The following ZCWPW2 variants were observed in gnomAD, a reference collection of about 807,000 sequenced individuals.
ZCWPW2 encodes zinc finger CW-type and PWWP domain containing 2.
A neutral mutation model predicts 46.6 loss-of-function variants in ZCWPW2; 45 were observed. The observed-to-expected ratio is 0.96, with a 90% CI of 0.76 to 1.24. The LOEUF is 1.24. ZCWPW2 is among the 50% of genes most tolerant of loss of function. ZCWPW2 has a pLI of 0.00. For missense variants in ZCWPW2, 429 were observed against 403.9 expected (o/e 1.06, Z -0.53); for synonymous variants, 152 against 137.1 (o/e 1.11, Z -0.76).
chr3:28,417,600 G>A (rs1420341223), intron 3 of ZCWPW2, among the ~76,000 whole-genome samples: 21 of 146,296 alleles, frequency 1.4e-4, no homozygotes, highest in Non-Finnish European at 2.4e-4. Flanking sequence ...GATGAACATC[G>A]ATGCAGAAAT....
At chr3:28,508,491 C>T (rs1444097603) in intron 6 of ZCWPW2, among the ~76,000 whole-genome samples, 2 of 151,986 alleles carry the variant, frequency 1.3e-5, no homozygotes, top group Non-Finnish European at 1.5e-5. Context: ...TCCAGCTCCT[C>T]ACTTTCAACC....
chr3:28,401,632 A>G (rs1222529088), intron 2 of ZCWPW2, among the ~76,000 whole-genome samples: 1 of 152,172 alleles, frequency 6.6e-6, no homozygotes, highest in East Asian at 1.9e-4. Context: ...TGCAGAATAT[A>G]CATTCTTTTC....
intron 8 of ZCWPW2, among the ~76,000 whole-genome samples, chr3:28,516,123 C>G (rs1435563223): frequency 6.6e-6 from 1 of 151,812 alleles, no homozygotes; most frequent in East Asian, 1.9e-4. Flanking sequence ...ACCTGTAATC[C>G]CAGCTACTCT....
At chr3:28,499,822 G>A (rs1423452245) in intron 6 of ZCWPW2, among the ~76,000 whole-genome samples, 1 of 151,862 alleles carries the variant, frequency 6.6e-6, no homozygotes, top group African/African-American at 2.4e-5. Flanking sequence ...TTTTCTGATT[G>A]ATTTGTAGGC....
chr3:28,454,316 C>T (rs1698345258), intron 4 of ZCWPW2, among the ~76,000 whole-genome samples: 1 of 152,032 alleles, frequency 6.6e-6, no homozygotes, highest in Non-Finnish European at 1.5e-5. Context: ...GATGTCCTAG[C>T]ATTTTTAAAA....
intron 6 of ZCWPW2, among the ~76,000 whole-genome samples, chr3:28,512,582 G>A (rs1387843573): frequency 6.6e-6 from 1 of 151,930 alleles, no homozygotes; most frequent in African/African-American, 2.4e-5. Context: ...AAATATTCTT[G>A]ACCTTATCAT....
chr3:28,413,040 CTT>C lies in ZCWPW2; in HGVS notation c.-13-14_-13-13del. 6.4e-7 allele frequency: 1 copy of C among 1,568,266 alleles called. No individual in the cohort carries two copies. Among genetic ancestry groups the C allele is most frequent in the Non-Finnish European group, 8.6e-7 (1 of 1,156,242 alleles). On this transcript the variant is annotated splice_polypyrimidine_tract_variant and intron_variant, in intron 2 of 9. Transcript: ENST00000383768. ...TGAATCCTCATTCTGTTATTTTCCT[CTT>C]TCTTATTTTCCAGATTAAATGCCTT...
intron 1 of ZCWPW2, among the ~76,000 whole-genome samples, chr3:28,385,158 C>A (rs987014856): frequency 1.3e-5 from 2 of 152,094 alleles, no homozygotes; most frequent in Admixed American, 1.3e-4. Context: ...GTCGTGAAAA[C>A]AAGACAAGTA....
chr3:28,351,154 A>G (rs1029067369), intron 1 of ZCWPW2, among the ~76,000 whole-genome samples: 9 of 150,904 alleles, frequency 6.0e-5, no homozygotes, highest in African/African-American at 2.2e-4. Context: ...ATATATATAT[A>G]TTTTTTAGAA....
intron 8 of ZCWPW2, among the ~76,000 whole-genome samples, chr3:28,520,190 A>G (rs1416598258): frequency 7.9e-5 from 12 of 151,932 alleles, no homozygotes. Context: ...TGTTTTTAGT[A>G]GAGACGGGGT....
chr3:28,471,232 G>A (rs1699030442), intron 4 of ZCWPW2, among the ~76,000 whole-genome samples: 3 of 152,026 alleles, frequency 2.0e-5, no homozygotes, highest in African/African-American at 7.2e-5. Flanking sequence ...AGAAGTGGAG[G>A]GAATACTTTC....
intron 5 of ZCWPW2, among the ~76,000 whole-genome samples, chr3:28,484,240 G>T (rs1428776884): frequency 6.6e-6 from 1 of 151,354 alleles, no homozygotes; most frequent in East Asian, 1.9e-4. Context: ...TTATGCTGTT[G>T]ATGTGATTAA....
chr3:28,364,323 T>C (rs556915175), intron 1 of ZCWPW2, among the ~76,000 whole-genome samples: 1 of 152,044 alleles, frequency 6.6e-6, no homozygotes, highest in East Asian at 1.9e-4. Flanking sequence ...AAACATTCTT[T>C]TTTTTTTTAC....
chr3:28,448,711 G>A (rs147887091), intron 4 of ZCWPW2, among the ~76,000 whole-genome samples: 2,277 of 137,400 alleles, frequency 0.017, 71 homozygotes, highest in African/African-American at 0.057. Flanking sequence ...TTTGAATCCA[G>A]GAGGCAGAGG....
At chr3:28,465,117 A>G (rs76891395) in intron 4 of ZCWPW2, among the ~76,000 whole-genome samples, 4,651 of 152,314 alleles carry the variant, frequency 0.031, 124 homozygotes, top group Non-Finnish European at 0.049. Context: ...TACCTTATTT[A>G]TAAAACAGCT....
chr3:28,475,313 A>G (rs1484045050), intron 4 of ZCWPW2, among the ~76,000 whole-genome samples: 1 of 152,156 alleles, frequency 6.6e-6, no homozygotes, highest in African/African-American at 2.4e-5. Context: ...CTATCATCAA[A>G]TTATGTCCAG....
intron 4 of ZCWPW2, among the ~76,000 whole-genome samples, chr3:28,436,231 A>G (rs921028018): frequency 2.0e-5 from 3 of 151,980 alleles, no homozygotes; most frequent in African/African-American, 7.2e-5. Context: ...GAAACTTTTC[A>G]TCTGCAAATC....
chr3:28,495,047 A>G (rs957866070), intron 6 of ZCWPW2, among the ~76,000 whole-genome samples: 3 of 151,930 alleles, frequency 2.0e-5, no homozygotes, highest in Non-Finnish European at 2.9e-5. Flanking sequence ...CAAGCTACCA[A>G]TGACTTTCTT....
chr3:28,412,977 C>T (rs545195877), intron 2 of ZCWPW2, 79 bp from the exon 3 acceptor site: 19 of 1,135,066 alleles, frequency 1.7e-5, no homozygotes, highest in Middle Eastern at 3.0e-4. Flanking sequence ...AGAGGAATTT[C>T]TCTGATTTTT....
Sources: allele counts gnomAD v4.1 joint callset (sites outside exome capture counted in the v4.1 genomes callset), GRCh38; gene constraint gnomAD v4.1.1; transcripts MANE v1.5; gene names NCBI Gene and HGNC (gene_info 2026-07-23, HGNC 2026-07-21).